The following NTM variants were observed in gnomAD, a reference collection of about 807,000 sequenced individuals.
NTM encodes the protein neurotrimin, also known as IgLON family member 2.
Under a neutral mutation model 42.1 loss-of-function variants are expected in NTM, and 13 were observed. The ratio of observed to expected loss-of-function variants is 0.31; its 90% CI spans 0.20 to 0.49. NTM has a LOEUF of 0.49. Among genes scored for constraint, NTM ranks in the 20% least tolerant of loss-of-function variants. The pLI, the probability that NTM is intolerant of heterozygous loss-of-function variation, is 0.99. For missense variants in NTM, 373 were observed against 452.8 expected (o/e 0.82, Z 1.60); for synonymous variants, 187 against 179.2 (o/e 1.04, Z -0.35).
intron 4 of NTM, among the ~76,000 whole-genome samples, chr11:132,300,047 A>C (rs2094786250): frequency 6.6e-6 from 1 of 152,156 alleles, no homozygotes; most frequent in Admixed American, 6.5e-5. Context: ...AATGATCATG[A>C]GAAATTATAT....
chr11:131,679,339 G>A (rs1173532460), intron 1 of NTM, among the ~76,000 whole-genome samples: 2 of 152,112 alleles, frequency 1.3e-5, no homozygotes, highest in Non-Finnish European at 2.9e-5. Flanking sequence ...GGGTGCCTGT[G>A]GAGTCAAGCC....
In NTM at chr11:131,532,783, A is replaced by G. The variant is rs1033033516; in HGVS notation, c.82+161895A>G. ...CACATTCTAATGGGTGTGAAGCACTATCTTATTGTGGTTTTGATTTGCATT... is the reference window on the plus strand; with the variant it reads ...CACATTCTAATGGGTGTGAAGCACTGTCTTATTGTGGTTTTGATTTGCATT... On this transcript the variant is annotated intron_variant, in intron 1 of 8. Coordinates refer to ENST00000683400, the MANE Select transcript of NTM (RefSeq NM_001352005.2). 2.0e-5 allele frequency among the ~76,000 whole-genome samples: 3 copies of G among 152,308 alleles called. No individual in the cohort carries two copies. The East Asian group carries it at 5.8e-4, about 29-fold the overall frequency.
Position 131,370,938 on chromosome 11 carries a change from T to G in NTM, c.82+50T>G, listed in dbSNP as rs747065261. ...TTCGGTAGACCCAGGAATTGTACAGTGTGCTTTATAAGATTTGCAGACTCC... is the reference window on the plus strand; with the variant it reads ...TTCGGTAGACCCAGGAATTGTACAGGGTGCTTTATAAGATTTGCAGACTCC... On this transcript the variant is annotated intron_variant, in intron 1 of 8. Transcript: ENST00000683400. 12 of 1,605,220 alleles carry G rather than the reference T, an allele frequency of 7.5e-6. No homozygotes were observed. In the Admixed American group the frequency reaches 1.2e-4, roughly 16 times the overall value.
At chr11:132,314,411 T>C (rs779972621) in intron 6 of NTM, 141 bp from the exon 7 acceptor site, 7 of 863,032 alleles carry the variant, frequency 8.1e-6, no homozygotes, top group Non-Finnish European at 1.2e-5. Context: ...CATTATGGTG[T>C]GGTTGAGTGG....
At chr11:131,474,511 T>C (rs934485439) in intron 1 of NTM, among the ~76,000 whole-genome samples, 6 of 152,100 alleles carry the variant, frequency 3.9e-5, no homozygotes, top group Non-Finnish European at 8.8e-5. Flanking sequence ...ACCTGGATGG[T>C]TCCCAGGTAC....
chr11:132,315,018 C>CTATAATGGAAAAG (rs1394844864), intron 7 of NTM: 1 of 1,116,246 alleles, frequency 9.0e-7, no homozygotes, highest in Non-Finnish European at 1.1e-6. Flanking sequence ...ATGTTTCATT[C>CTATAATGGAAAAG]TATAATGGAA....
At chr11:132,005,959 C>T (rs547810632) in intron 2 of NTM, among the ~76,000 whole-genome samples, 3 of 152,274 alleles carry the variant, frequency 2.0e-5, no homozygotes, top group Admixed American at 6.5e-5. Flanking sequence ...ACCACATTTG[C>T]GTGTTTCAAT....
chr11:132,278,566 A>C (rs3133877), intron 4 of NTM, among the ~76,000 whole-genome samples: 1 of 151,982 alleles, frequency 6.6e-6, no homozygotes, highest in Non-Finnish European at 1.5e-5. Context: ...AAGAGACACA[A>C]GTGGAATGCA....
intron 2 of NTM, among the ~76,000 whole-genome samples, chr11:131,963,285 G>A (rs2062431672): frequency 1.3e-5 from 2 of 152,194 alleles, no homozygotes; most frequent in Non-Finnish European, 2.9e-5. Context: ...AGACACTTGG[G>A]TTGTGTTTGC....
At chr11:131,550,194 T>C (rs2054483281) in intron 1 of NTM, among the ~76,000 whole-genome samples, 1 of 152,220 alleles carries the variant, frequency 6.6e-6, no homozygotes, top group Non-Finnish European at 1.5e-5. Flanking sequence ...TTACGTGAAA[T>C]GTGTTAATTA....
intron 3 of NTM, among the ~76,000 whole-genome samples, chr11:132,157,789 C>T: frequency 6.6e-6 from 1 of 152,192 alleles, no homozygotes; most frequent in Non-Finnish European, 1.5e-5. Flanking sequence ...ACCTGCTCCT[C>T]CTGGAGTCTT....
chr11:132,321,440 A>C (rs951868137), intron 7 of NTM, among the ~76,000 whole-genome samples: 1 of 152,210 alleles, frequency 6.6e-6, no homozygotes, highest in African/African-American at 2.4e-5. Flanking sequence ...ATGGAAGATG[A>C]AATGAATGAA....
At chr11:131,831,578 C>T (rs1379597749) in intron 1 of NTM, among the ~76,000 whole-genome samples, 1 of 152,262 alleles carries the variant, frequency 6.6e-6, no homozygotes. Flanking sequence ...GCAATTTGTA[C>T]AGTGTTCATG....
At chr11:132,122,537 G>T (rs1591649201) in intron 2 of NTM, among the ~76,000 whole-genome samples, 1 of 152,284 alleles carries the variant, frequency 6.6e-6, no homozygotes, top group Admixed American at 6.5e-5. Context: ...TCAACTACCT[G>T]GCGGGGAGGA....
intron 1 of NTM, among the ~76,000 whole-genome samples, chr11:131,500,246 C>T (rs1260072832): frequency 6.6e-6 from 1 of 152,178 alleles, no homozygotes; most frequent in African/African-American, 2.4e-5. Flanking sequence ...AGAGCAGCTT[C>T]CACTCCTTCC....
intron 1 of NTM, among the ~76,000 whole-genome samples, chr11:131,401,174 A>C (rs909549016): frequency 6.6e-6 from 1 of 152,132 alleles, no homozygotes; most frequent in Non-Finnish European, 1.5e-5. Context: ...ATAACAACAA[A>C]AAAACACCTA....
chr11:131,384,098 G>A lies in NTM; in HGVS notation c.82+13210G>A, dbSNP rs146754297. Reference sequence around the variant, plus strand: ...AGAGATAGTAATTAATGCAATTTGGGTCATGATGGGTTTAACAGTAGCTTT... The same window carrying A: ...AGAGATAGTAATTAATGCAATTTGGATCATGATGGGTTTAACAGTAGCTTT... On this transcript the variant is annotated intron_variant, in intron 1 of 8. Coordinates refer to ENST00000683400, the MANE Select transcript of NTM (RefSeq NM_001352005.2). Among the ~76,000 whole-genome samples, 539 of 152,268 alleles carry A rather than the reference G, an allele frequency of 3.5e-3. 2 individuals carry two copies. Among genetic ancestry groups the A allele is most frequent in the African/African-American group, 0.012 (519 of 41,554 alleles).
intron 2 of NTM, among the ~76,000 whole-genome samples, chr11:132,133,843 G>A (rs557718117): frequency 1.6e-4 from 25 of 152,086 alleles, no homozygotes; most frequent in African/African-American, 5.8e-4. Flanking sequence ...CCTGCCATTC[G>A]GCTCTGCTTA....
At chr11:132,209,931 G>A (rs1050873803) in intron 3 of NTM, among the ~76,000 whole-genome samples, 1 of 152,224 alleles carries the variant, frequency 6.6e-6, no homozygotes, top group Non-Finnish European at 1.5e-5. Flanking sequence ...ACTGGAGAAG[G>A]AGAGAAGGGG....
Sources: allele counts gnomAD v4.1 joint callset (sites outside exome capture counted in the v4.1 genomes callset), GRCh38; gene constraint gnomAD v4.1.1; transcripts MANE v1.5; gene names NCBI Gene and HGNC (gene_info 2026-07-23, HGNC 2026-07-21).